Variants in RSRC1 observed in about 807,000 individuals in gnomAD.
RSRC1 encodes arginine and serine rich coiled-coil 1, also known as serine/Arginine-related protein 53.
RSRC1 carries 39 observed loss-of-function variants against 49.1 expected under a neutral mutation model. The observed-to-expected ratio is 0.79, with a 90% CI of 0.61 to 1.04. The LOEUF (loss-of-function observed/expected upper bound fraction) is 1.04, where lower values mean the gene tolerates loss of function less well. Ranked by LOEUF, RSRC1 falls within the 50% of genes least tolerant of loss-of-function variation. RSRC1 has a pLI of 0.00. For missense variants in RSRC1, 388 were observed against 402.4 expected, an observed-to-expected ratio of 0.96 and a Z score of 0.31; for synonymous variants, 143 against 130.8, an observed-to-expected ratio of 1.09 and a Z score of -0.63.
intron 7 of RSRC1, among the ~76,000 whole-genome samples, chr3:158,506,795 C>T (rs966024536): frequency 1.3e-5 from 2 of 150,760 alleles, no homozygotes; most frequent in Non-Finnish European, 3.0e-5. Flanking sequence ...GTAGAACTAC[C>T]ATATGATCCA....
chr3:158,492,145 A>C (rs972997927), intron 7 of RSRC1, among the ~76,000 whole-genome samples: 25 of 152,282 alleles, frequency 1.6e-4, no homozygotes, highest in African/African-American at 6.0e-4. Context: ...ACTGTCAGAC[A>C]CTTTTAAACC....
intron 1 of RSRC1, 32 bp from the exon 2 acceptor site, chr3:158,122,071 A>G (rs747007671): frequency 2.3e-6 from 3 of 1,315,942 alleles, no homozygotes; most frequent in Admixed American, 5.4e-5. Flanking sequence ...CCACCATGTT[A>G]GAAATAATAT....
chr3:158,530,859 C>T (rs1180038194), intron 7 of RSRC1, among the ~76,000 whole-genome samples: 1 of 126,170 alleles, frequency 7.9e-6, no homozygotes, highest in Non-Finnish European at 1.6e-5. Flanking sequence ...CTAACCTGCA[C>T]AATGTGCACA....
chr3:158,290,496 C>G (rs923737599), intron 4 of RSRC1, among the ~76,000 whole-genome samples: 4 of 152,000 alleles, frequency 2.6e-5, no homozygotes, highest in Admixed American at 2.6e-4. Flanking sequence ...AGGATGGTCT[C>G]GATTTCCTGA....
At chr3:158,519,901 A>G (rs1010557332) in intron 7 of RSRC1, among the ~76,000 whole-genome samples, 9 of 152,148 alleles carry the variant, frequency 5.9e-5, no homozygotes, top group Admixed American at 2.6e-4. Flanking sequence ...GAGTACTCTA[A>G]TGTTAGAGGT....
At chr3:158,327,898 T>C (rs1729266576) in intron 5 of RSRC1, among the ~76,000 whole-genome samples, 1 of 152,192 alleles carries the variant, frequency 6.6e-6, no homozygotes, top group Non-Finnish European at 1.5e-5. Context: ...AGGACTTGCT[T>C]TATGAATGTG....
At chr3:158,162,665 G>T (rs904577366) in intron 3 of RSRC1, among the ~76,000 whole-genome samples, 4 of 152,128 alleles carry the variant, frequency 2.6e-5, no homozygotes, top group Non-Finnish European at 5.9e-5. Context: ...TTGATACAGG[G>T]CCTGGAGGAA....
intron 5 of RSRC1, among the ~76,000 whole-genome samples, chr3:158,341,336 C>T (rs1167636705): frequency 2.0e-5 from 3 of 152,040 alleles, no homozygotes; most frequent in Admixed American, 6.5e-5. Context: ...AAAGTGGTTT[C>T]GTGGGCCAGG....
intron 4 of RSRC1, among the ~76,000 whole-genome samples, chr3:158,229,375 T>G (rs1191373509): frequency 1.9e-5 from 2 of 106,220 alleles, no homozygotes; most frequent in Non-Finnish European, 4.3e-5. Context: ...CACGTATATG[T>G]GTATGTATGT....
intron 4 of RSRC1, among the ~76,000 whole-genome samples, chr3:158,204,579 C>G (rs1029920804): frequency 6.6e-6 from 1 of 152,142 alleles, no homozygotes; most frequent in Non-Finnish European, 1.5e-5. Flanking sequence ...GGGAAAATCT[C>G]TTGGTAACGG....
In RSRC1 at chr3:158,444,276, AC is replaced by A. The variant is rs532064617; in HGVS notation, c.584-16657del. ...CAAACTATACTACAACGCTACAGTA[AC>A]CAAAACAGCAAGGTACTGGCACCAA... On this transcript the variant is annotated intron_variant, in intron 6 of 9. Transcript: ENST00000611884. Among the ~76,000 whole-genome samples, 911 of 152,328 alleles carry A rather than the reference AC, an allele frequency of 6.0e-3. 4 individuals are homozygous for A. The highest frequency in any genetic ancestry group is 0.021 in the African/African-American group (855 of 41,578).
chr3:158,402,433 G>T (rs553208536), intron 6 of RSRC1, among the ~76,000 whole-genome samples: 1 of 151,748 alleles, frequency 6.6e-6, no homozygotes, highest in East Asian at 1.9e-4. Flanking sequence ...AAAAGTTAAG[G>T]CAAGTATATC....
rs1227820919 is a variant in RSRC1 at position 158,292,899 on chromosome 3, T to TAA, written c.495-5140_495-5139insAA. Among the ~76,000 whole-genome samples the TAA allele has an allele frequency of 2.6e-5, 4 of 152,178 alleles. 1 individual carries two copies. Among genetic ancestry groups the TAA allele is most frequent in the African/African-American group, 9.6e-5 (4 of 41,456 alleles). On this transcript the variant is annotated intron_variant, in intron 4 of 9. Coordinates refer to ENST00000611884, the MANE Select transcript of RSRC1 (RefSeq NM_001271838.2). The stretch of plus-strand genomic sequence containing the variant: ...CAATCTGAGATTGAGAAAAGTTGGA[T>TAA]TATTACTCAAGCTCACAGGACTATT...
intron 4 of RSRC1, among the ~76,000 whole-genome samples, chr3:158,229,321 T>TAC (rs1234438323): frequency 1.3e-5 from 2 of 149,284 alleles, no homozygotes; most frequent in Non-Finnish European, 3.0e-5. Flanking sequence ...TATATAAACA[T>TAC]ACACAGGTAT....
chr3:158,335,628 G>C (rs1252506749), intron 5 of RSRC1, among the ~76,000 whole-genome samples: 1 of 152,168 alleles, frequency 6.6e-6, no homozygotes, highest in Non-Finnish European at 1.5e-5. Flanking sequence ...AAAGGATATA[G>C]CTGCAAAAGT....
In RSRC1 at chr3:158,150,348, G is replaced by A. The variant is rs570379769; in HGVS notation, c.320+26357G>A. ...CCCCATAGCATAAAACCAAAGAAAA[G>A]GGTTGGATTTACTTTGTATTTGGGG... On this transcript the variant is annotated intron_variant, in intron 3 of 9. Transcript: ENST00000611884. 2.0e-5 allele frequency among the ~76,000 whole-genome samples: 3 copies of A among 152,248 alleles called. No homozygotes were observed. The East Asian group carries it at 5.8e-4, about 29-fold the overall frequency.
intron 3 of RSRC1, among the ~76,000 whole-genome samples, chr3:158,146,354 G>A (rs1429990588): frequency 1.3e-5 from 2 of 152,050 alleles, no homozygotes; most frequent in African/African-American, 4.8e-5. Flanking sequence ...GTTGAATTTT[G>A]TCGAAGGCCT....
chr3:158,442,860 G>A (rs1736458990), intron 6 of RSRC1, among the ~76,000 whole-genome samples: 1 of 151,934 alleles, frequency 6.6e-6, no homozygotes, highest in African/African-American at 2.4e-5. Context: ...GTGATCTGTG[G>A]GCTGCAAAAT....
At chr3:158,152,661 T>C (rs893828753) in intron 3 of RSRC1, among the ~76,000 whole-genome samples, 8 of 152,236 alleles carry the variant, frequency 5.3e-5, no homozygotes, top group African/African-American at 1.9e-4. Flanking sequence ...TTCCAGTTCG[T>C]GTCTGTTGCC....
Sources: gnomAD v4.1 joint callset for allele counts (sites outside exome capture counted in the v4.1 genomes callset) on GRCh38, gnomAD v4.1.1 for gene constraint, MANE v1.5 for transcripts, NCBI Gene and HGNC (gene_info 2026-07-23, HGNC 2026-07-21) for gene names.